The following SORCS1 variants were observed in gnomAD, a reference collection of about 807,000 sequenced individuals.
SORCS1 encodes the protein sortilin related VPS10 domain containing receptor 1, also known as VPS10 domain-containing receptor SorCS1.
A neutral mutation model predicts 146.1 loss-of-function variants in SORCS1; 60 were observed. The observed-to-expected ratio is 0.41, with a 90% CI of 0.33 to 0.51. The LOEUF (loss-of-function observed/expected upper bound fraction) is 0.51, where lower values mean the gene tolerates loss of function less well. SORCS1 is among the 20% of genes least tolerant of loss of function. The pLI is 0.21. For missense variants in SORCS1, 1,352 were observed against 1,487.6 expected (o/e 0.91, Z 1.50); for synonymous variants, 637 against 584.0 (o/e 1.09, Z -1.31).
intron 19 of SORCS1, among the ~76,000 whole-genome samples, chr10:106,624,769 A>G (rs1169699527): frequency 1.3e-5 from 2 of 152,260 alleles, no homozygotes; most frequent in Non-Finnish European, 2.9e-5. Flanking sequence ...TATACATTAT[A>G]TATGCATACA....
At chr10:106,730,959 C>G (rs1461581354) in intron 5 of SORCS1, among the ~76,000 whole-genome samples, 1 of 152,110 alleles carries the variant, frequency 6.6e-6, no homozygotes, top group African/African-American at 2.4e-5. Context: ...CCTCTGCCTG[C>G]CCCCAGCCAC....
At chr10:106,789,575 C>A (rs1589881133) in intron 3 of SORCS1, among the ~76,000 whole-genome samples, 1 of 152,202 alleles carries the variant, frequency 6.6e-6, no homozygotes, top group African/African-American at 2.4e-5. Context: ...TGGTTCCCAA[C>A]AAATTCCTCA....
At chr10:106,660,608 T>C (rs948598261) in intron 17 of SORCS1, among the ~76,000 whole-genome samples, 4 of 152,194 alleles carry the variant, frequency 2.6e-5, no homozygotes, top group African/African-American at 9.6e-5. Context: ...TGTAAATAGA[T>C]ACCTAACTTA....
At chr10:106,801,292 G>A (rs1196986436) in intron 3 of SORCS1, among the ~76,000 whole-genome samples, 1 of 152,136 alleles carries the variant, frequency 6.6e-6, no homozygotes, top group African/African-American at 2.4e-5. Flanking sequence ...AAAGGCAAGA[G>A]AAGGAAGGAT....
At chr10:106,725,605 G>T (rs1404244160) in intron 6 of SORCS1, among the ~76,000 whole-genome samples, 4 of 125,642 alleles carry the variant, frequency 3.2e-5, no homozygotes, top group Non-Finnish European at 5.3e-5. Context: ...GTAATGAATG[G>T]ATGGAGAAAA....
chr10:107,054,945 T>C (rs578158146), intron 1 of SORCS1, among the ~76,000 whole-genome samples: 6 of 152,314 alleles, frequency 3.9e-5, no homozygotes, highest in African/African-American at 1.4e-4. Context: ...CTAATAAGTG[T>C]TGGCCACTCT....
At chr10:106,592,541 T>C (rs1200794253) in intron 24 of SORCS1, among the ~76,000 whole-genome samples, 1 of 152,202 alleles carries the variant, frequency 6.6e-6, no homozygotes, top group Non-Finnish European at 1.5e-5. Context: ...GGCTCAAACA[T>C]TTTTAAAAGA....
intron 2 of SORCS1, among the ~76,000 whole-genome samples, chr10:106,908,914 T>A (rs1363869484): frequency 6.6e-6 from 1 of 152,246 alleles, no homozygotes; most frequent in Non-Finnish European, 1.5e-5. Context: ...CAGCCATCTT[T>A]AAACTGTCCA....
At chr10:106,695,213 C>A (rs976304410) in intron 9 of SORCS1, among the ~76,000 whole-genome samples, 1 of 152,158 alleles carries the variant, frequency 6.6e-6, no homozygotes, top group African/African-American at 2.4e-5. Context: ...GTAAATATAG[C>A]CTGAACTTAG....
intron 2 of SORCS1, among the ~76,000 whole-genome samples, chr10:106,893,767 G>A (rs1951333397): frequency 1.3e-5 from 2 of 152,046 alleles, no homozygotes; most frequent in Admixed American, 1.3e-4. Flanking sequence ...CAGCTCAAAT[G>A]ACAAACTAAA....
In SORCS1 at chr10:106,577,144, G is replaced by T; in HGVS notation, c.*276C>A. The T allele has an allele frequency of 7.8e-7, 1 of 1,281,680 alleles. No homozygotes were observed. The highest frequency in any genetic ancestry group is 1.0e-6 in the Non-Finnish European group (1 of 958,932). The allele number at this position is 1,281,680 out of a possible 1,614,324, so 79.4% of individuals were successfully genotyped here. The stretch of plus-strand genomic sequence containing the variant: ...GTCCCGATGCAGTGAGTGTTTGTTT[G>T]TTTGTTTGGATTTTGATTGTTTATA... On this transcript the variant is annotated 3_prime_UTR_variant, in exon 26 of 26. Coordinates refer to ENST00000263054, the MANE Select transcript of SORCS1 (RefSeq NM_052918.5).
At chr10:106,706,705 T>C (rs1363376459) in intron 7 of SORCS1, 71 bp from the exon 8 acceptor site, 2 of 1,407,336 alleles carry the variant, frequency 1.4e-6, no homozygotes, top group Non-Finnish European at 2.0e-6. Flanking sequence ...AACAGTCACC[T>C]GAATGGAAGG....
chr10:106,636,526 A>C (rs561673745), intron 18 of SORCS1, among the ~76,000 whole-genome samples: 2 of 152,266 alleles, frequency 1.3e-5, no homozygotes, highest in South Asian at 4.1e-4. Flanking sequence ...GGAAACTTAC[A>C]ATCATAGTGG....
intron 2 of SORCS1, among the ~76,000 whole-genome samples, chr10:106,915,404 T>A (rs1952370727): frequency 6.6e-6 from 1 of 152,158 alleles, no homozygotes; most frequent in South Asian, 2.1e-4. Context: ...TATAATATTT[T>A]CCTACATGAT....
chr10:106,799,786 C>A (rs1946772754), intron 3 of SORCS1, among the ~76,000 whole-genome samples: 1 of 152,174 alleles, frequency 6.6e-6, no homozygotes, highest in Non-Finnish European at 1.5e-5. Context: ...GTTGGTGGGA[C>A]TGTAAACTAG....
intron 24 of SORCS1, among the ~76,000 whole-genome samples, chr10:106,592,294 A>C (rs577469896): frequency 6.6e-6 from 1 of 152,350 alleles, no homozygotes; most frequent in East Asian, 1.9e-4. Flanking sequence ...CTCAGCTTAG[A>C]TACCACAGTT....
intron 3 of SORCS1, among the ~76,000 whole-genome samples, chr10:106,802,656 G>A (rs1946965867): frequency 6.6e-6 from 1 of 152,114 alleles, no homozygotes; most frequent in Admixed American, 6.5e-5. Context: ...GCCCCACCAT[G>A]CCCAGCTAAT....
At chr10:106,681,763 T>C (rs1282279980) in intron 10 of SORCS1, among the ~76,000 whole-genome samples, 2 of 152,194 alleles carry the variant, frequency 1.3e-5, no homozygotes, top group African/African-American at 4.8e-5. Context: ...TGCTTGCCAC[T>C]GCTGGAAGAT....
intron 5 of SORCS1, among the ~76,000 whole-genome samples, chr10:106,738,188 T>C (rs1403367997): frequency 6.6e-6 from 1 of 152,172 alleles, no homozygotes; most frequent in Non-Finnish European, 1.5e-5. Flanking sequence ...TTGTGGGTAA[T>C]AGTCAAAGGG....
Sources: allele counts gnomAD v4.1 joint callset (sites outside exome capture counted in the v4.1 genomes callset), GRCh38; gene constraint gnomAD v4.1.1; transcripts MANE v1.5; gene names NCBI Gene and HGNC (gene_info 2026-07-23, HGNC 2026-07-21).